TMEM135: variants seen among roughly 807,000 people sequenced by gnomAD.
TMEM135 encodes transmembrane protein 135.
Under a neutral mutation model 60.3 loss-of-function variants are expected in TMEM135, and 30 were observed. The observed-to-expected ratio is 0.50, with a 90% confidence interval of 0.37 to 0.68. TMEM135 has a LOEUF of 0.68. TMEM135 is among the 30% of genes least tolerant of loss of function. TMEM135 has a pLI of 0.00. For synonymous variants in TMEM135, 190 were observed against 186.7 expected (o/e 1.02, Z -0.14); for missense variants, 468 against 548.8 (o/e 0.85, Z 1.47).
chr11:87,311,093 GTATATATATATGTCTA>G (rs1326535051), intron 10 of TMEM135, among the ~76,000 whole-genome samples: 26 of 103,654 alleles, frequency 2.5e-4, no homozygotes, highest in Non-Finnish European at 4.3e-4. Flanking sequence ...TATTCTGTGG[GTATATATATATGTCTA>G]TATATATATA....
intron 6 of TMEM135, among the ~76,000 whole-genome samples, chr11:87,281,005 T>A (rs547848017): frequency 6.6e-6 from 1 of 152,274 alleles, no homozygotes; most frequent in South Asian, 2.1e-4. Flanking sequence ...AAGAAATAGC[T>A]CCTAATTAAG....
intron 4 of TMEM135, among the ~76,000 whole-genome samples, chr11:87,135,085 GTTTTTC>G (rs1435806153): frequency 6.6e-6 from 1 of 152,056 alleles, no homozygotes; most frequent in African/African-American, 2.4e-5. Context: ...AAATTGGATT[GTTTTTC>G]TTATTATGGG....
At chr11:87,293,519 C>T (rs567591362) in intron 6 of TMEM135, among the ~76,000 whole-genome samples, 5 of 152,264 alleles carry the variant, frequency 3.3e-5, no homozygotes, top group African/African-American at 1.2e-4. Flanking sequence ...TCACTCCCCA[C>T]ACCCCAACAG....
intron 5 of TMEM135, among the ~76,000 whole-genome samples, chr11:87,204,013 G>A (rs754550896): frequency 9.0e-4 from 136 of 151,696 alleles, no homozygotes; most frequent in Non-Finnish European, 1.5e-3. Context: ...CTTGTCAATC[G>A]TGCACAATAA....
chr11:87,304,696 A>C (rs1020064342), intron 8 of TMEM135, among the ~76,000 whole-genome samples: 1 of 152,216 alleles, frequency 6.6e-6, no homozygotes, highest in Non-Finnish European at 1.5e-5. Flanking sequence ...TTGCTAATCA[A>C]TTTGCGAATG....
At chr11:87,297,328 A>T (rs986912439) in intron 7 of TMEM135, among the ~76,000 whole-genome samples, 1 of 152,208 alleles carries the variant, frequency 6.6e-6, no homozygotes, top group African/African-American at 2.4e-5. Context: ...GGAGGGAACA[A>T]ATGGAGTCTA....
chr11:87,173,045 A>G (rs1022360785), intron 5 of TMEM135, among the ~76,000 whole-genome samples: 1 of 152,038 alleles, frequency 6.6e-6, no homozygotes, highest in East Asian at 1.9e-4. Context: ...TTCTTTATAC[A>G]AGGAAACCTA....
chr11:87,128,534 TAA>T, intron 4 of TMEM135, among the ~76,000 whole-genome samples: 1 of 152,322 alleles, frequency 6.6e-6, no homozygotes, highest in East Asian at 1.9e-4. Flanking sequence ...AGGTAGTCAG[TAA>T]ATATTTGTTG....
intron 3 of TMEM135, among the ~76,000 whole-genome samples, chr11:87,074,839 T>G (rs1186265711): frequency 1.3e-5 from 2 of 152,220 alleles, no homozygotes; most frequent in Non-Finnish European, 2.9e-5. Context: ...TTTCATACCA[T>G]CCAGTTCATA....
At chr11:87,138,675 A>G (rs1938177996) in intron 4 of TMEM135, among the ~76,000 whole-genome samples, 1 of 152,204 alleles carries the variant, frequency 6.6e-6, no homozygotes, top group Non-Finnish European at 1.5e-5. Flanking sequence ...ATGAATAATT[A>G]GTTACTATAT....
At chr11:87,285,225 G>C (rs1942142193) in intron 6 of TMEM135, among the ~76,000 whole-genome samples, 1 of 152,106 alleles carries the variant, frequency 6.6e-6, no homozygotes, top group Non-Finnish European at 1.5e-5. Flanking sequence ...CTTGAAAATG[G>C]GTTGGAAAAT....
intron 4 of TMEM135, among the ~76,000 whole-genome samples, chr11:87,134,639 G>A (rs929010379): frequency 6.6e-6 from 1 of 152,068 alleles, no homozygotes; most frequent in Non-Finnish European, 1.5e-5. Flanking sequence ...GTGCCACCAG[G>A]CCTGGCTTAT....
At chr11:87,080,310 A>G (rs1468417932) in intron 3 of TMEM135, among the ~76,000 whole-genome samples, 1 of 151,558 alleles carries the variant, frequency 6.6e-6, no homozygotes, top group Non-Finnish European at 1.5e-5. Context: ...TGTGCAGTGT[A>G]TCTATACATG....
intron 5 of TMEM135, among the ~76,000 whole-genome samples, chr11:87,159,617 A>ACACCCC (rs140303858): frequency 6.7e-6 from 1 of 149,340 alleles, no homozygotes; most frequent in Non-Finnish European, 1.5e-5. Context: ...ACACACACAC[A>ACACCCC]CCATAGATTT....
At position 87,323,658 on chromosome 11, in the gene TMEM135, C is replaced by T; in HGVS notation, c.*2325C>T. 1 of 453,682 alleles carries T rather than the reference C, an allele frequency of 2.2e-6. No individual in the cohort carries two copies. Among genetic ancestry groups the T allele is most frequent in the Non-Finnish European group, 4.4e-6 (1 of 226,694 alleles). The allele number at this position is 453,682 out of a possible 1,614,324, so 28.1% of individuals were successfully genotyped here. Reference sequence around the variant, plus strand: ...TATAGATTGAGATTGAAAAACCGTGCATTTGGGGCAGTGGTATTATGGTCA... The same window carrying T: ...TATAGATTGAGATTGAAAAACCGTGTATTTGGGGCAGTGGTATTATGGTCA... On this transcript the variant is annotated 3_prime_UTR_variant, in exon 15 of 15. Coordinates refer to ENST00000305494, the MANE Select transcript of TMEM135 (RefSeq NM_022918.4).
intron 4 of TMEM135, chr11:87,121,533 C>T (rs746033276): frequency 1.5e-4 from 22 of 151,528 alleles, no homozygotes; most frequent in Admixed American, 3.3e-4. Flanking sequence ...GTATTATATA[C>T]AGAGCACAGG....
chr11:87,302,980 A>G (rs74878765), intron 8 of TMEM135, among the ~76,000 whole-genome samples: 2,066 of 152,266 alleles, frequency 0.014, 54 homozygotes, highest in African/African-American at 0.047. Context: ...AAATAAATTT[A>G]ATAGTTTGAA....
intron 6 of TMEM135, among the ~76,000 whole-genome samples, chr11:87,279,263 G>A (rs1286056978): frequency 6.6e-6 from 1 of 152,058 alleles, no homozygotes; most frequent in Non-Finnish European, 1.5e-5. Context: ...AGATCATGGT[G>A]TTAATTTCAG....
chr11:87,068,727 C>T (rs2135138215), intron 2 of TMEM135, among the ~76,000 whole-genome samples: 2 of 150,302 alleles, frequency 1.3e-5, no homozygotes, highest in African/African-American at 4.9e-5. Flanking sequence ...AGGAGAATGG[C>T]ATAAACCCGG....
Sources: gnomAD v4.1 joint callset for allele counts (sites outside exome capture counted in the v4.1 genomes callset) on GRCh38, gnomAD v4.1.1 for gene constraint, MANE v1.5 for transcripts, NCBI Gene and HGNC (gene_info 2026-07-23, HGNC 2026-07-21) for gene names.